Variants in SYCE1 observed in about 807,000 individuals in gnomAD.
SYCE1 encodes the protein synaptonemal complex central element protein 1.
SYCE1 carries 37 observed loss-of-function variants against 55.1 expected under a neutral mutation model. The ratio of observed to expected loss-of-function variants is 0.67; its 90% CI spans 0.52 to 0.88. The LOEUF is 0.88. Ranked by LOEUF, SYCE1 falls within the 40% of genes least tolerant of loss-of-function variation. The pLI, the probability that SYCE1 is intolerant of heterozygous loss-of-function variation, is 0.00. For synonymous variants in SYCE1, 163 were observed against 159.4 expected (o/e 1.02, Z -0.17); for missense variants, 399 against 416.4 (o/e 0.96, Z 0.36).
At chr10:133,565,230 C>T (rs903628419) in intron 1 of SYCE1, among the ~76,000 whole-genome samples, 7 of 152,164 alleles carry the variant, frequency 4.6e-5, no homozygotes, top group Non-Finnish European at 8.8e-5. Flanking sequence ...ATTACCTAAA[C>T]CAAAATTGGA....
chr10:133,555,050 T>C lies in SYCE1; in HGVS notation c.998A>G (p.Asp333Gly). Residue 333 changes from aspartate (D) to glycine (G), a missense_variant, in exon 13 of 13, where the codon GAC becomes GGC. Asp to Gly is a moderately conservative substitution (Grantham distance 94). Transcript: ENST00000343131. ...AGPDVLIGQE[D>G]TLHPDLSPRG... ...TGGGCTAAGGTCGGGGTGGAGTGTG[T>C]CCTCCTGGCCTATGAGGACATCAGG... 6.4e-7 allele frequency: 1 copy of C among 1,551,496 alleles called. No homozygotes were observed. The highest frequency in any genetic ancestry group is 8.7e-7 in the Non-Finnish European group (1 of 1,146,932).
In SYCE1 at chr10:133,556,866, C is replaced by T. The variant is rs8181332; in HGVS notation, c.465-44G>A. 181,112 of 1,601,410 alleles carry T rather than the reference C, an allele frequency of 0.11. 11,629 individuals carry two copies. The highest frequency in any genetic ancestry group is 0.27 in the East Asian group (11,833 of 44,612). The stretch of plus-strand genomic sequence containing the variant: ...CATGAGGGGATATGGGCTGAAATCA[C>T]CACCTTCACAGCCTGTCCAAGTCTG... On this transcript the variant is annotated intron_variant, in intron 7 of 12. Coordinates refer to ENST00000343131, the MANE Select transcript of SYCE1 (RefSeq NM_001143764.3).
chr10:133,566,237 G>A (rs942577861), upstream of SYCE1, among the ~76,000 whole-genome samples: 5 of 152,226 alleles, frequency 3.3e-5, no homozygotes, highest in African/African-American at 7.2e-5. Flanking sequence ...GCCCTTCACC[G>A]GCCAGGGGAG....
At chr10:133,560,844 A>G (rs1347339553) in intron 1 of SYCE1, 1 of 152,202 alleles carries the variant, frequency 6.6e-6, no homozygotes, top group Non-Finnish European at 1.5e-5. Flanking sequence ...CTGATTTTGT[A>G]AAATAAATAT....
In SYCE1 at chr10:133,555,014, T is replaced by C; in HGVS notation, c.1034A>G (p.Gln345Arg). The C allele has an allele frequency of 6.5e-7, 1 of 1,549,778 alleles. No homozygotes were observed. Among genetic ancestry groups the C allele is most frequent in the East Asian group, 2.4e-5 (1 of 40,920 alleles). ...LHPDLSPRGF[Q>R]EIKELF The stretch of plus-strand genomic sequence containing the variant: ...GTATCAAAATAGCTCCTTTATTTCC[T>C]GAAAGCCCCTTGGGCTAAGGTCGGG... The change falls in exon 13 of 13, where the codon CAG becomes CGG. Residue 345 changes from glutamine (Q) to arginine (R), a missense_variant. Physicochemically the swap from Gln to Arg is conservative, Grantham distance 43. Coordinates refer to ENST00000343131, the MANE Select transcript of SYCE1 (RefSeq NM_001143764.3).
At chr10:133,566,343 C>G (rs925955152), upstream of SYCE1, among the ~76,000 whole-genome samples, 2 of 152,218 alleles carry the variant, frequency 1.3e-5, no homozygotes, top group Non-Finnish European at 2.9e-5. Context: ...GTCCTAAATA[C>G]GAAGCCTCGA....
chr10:133,566,603 G>A (rs111771322), upstream of SYCE1, among the ~76,000 whole-genome samples: 2 of 129,870 alleles, frequency 1.5e-5, no homozygotes, highest in Non-Finnish European at 3.2e-5. Context: ...TTTTAGTGTT[G>A]GGGTTAGGGT....
intron 1 of SYCE1, among the ~76,000 whole-genome samples, chr10:133,564,608 G>T (rs1003301105): frequency 2.0e-5 from 3 of 152,176 alleles, no homozygotes; most frequent in African/African-American, 7.2e-5. Flanking sequence ...CCTTCATTTT[G>T]TAAGAACATG....
In SYCE1 at chr10:133,555,965, C is replaced by T. The variant is rs371795230; in HGVS notation, c.595+16G>A. The T allele has an allele frequency of 6.2e-7, 1 of 1,614,018 alleles. No homozygotes were observed. The highest frequency in any genetic ancestry group is 8.5e-7 in the Non-Finnish European group (1 of 1,180,012). ...CGTGAGGTCAGATATGGGCCATCCA[C>T]CTTCCCTGGTCTCACCTTCCTTGAG... On this transcript the variant is annotated intron_variant, in intron 9 of 12. Coordinates refer to ENST00000343131, the MANE Select transcript of SYCE1 (RefSeq NM_001143764.3).
chr10:133,565,335 G>A (rs1033516640), intron 1 of SYCE1, 122 bp downstream of exon 1: 33 of 892,896 alleles, frequency 3.7e-5, no homozygotes, highest in Non-Finnish European at 5.1e-5. Flanking sequence ...GAAGAAACCC[G>A]CTAAGTCTCA....
chr10:133,554,797 C>T (rs1057205467), downstream of SYCE1: 45 of 1,467,810 alleles, frequency 3.1e-5, no homozygotes, highest in African/African-American at 2.7e-4. Context: ...CCTCTGCCTG[C>T]GGACCCAGAA....
intron 2 of SYCE1, 73 bp from the exon 3 acceptor site, chr10:133,559,433 T>G: frequency 7.0e-7 from 1 of 1,438,334 alleles, no homozygotes; most frequent in Non-Finnish European, 9.8e-7. Flanking sequence ...GTGTCTCTGC[T>G]GCTTTCACGC....
upstream of SYCE1, chr10:133,568,140 C>A (rs1026088054): frequency 1.2e-6 from 1 of 834,650 alleles, no homozygotes; most frequent in Non-Finnish European, 2.0e-6. Flanking sequence ...CCCAGCCCGA[C>A]ACAGAGGCAC....
At chr10:133,556,108 G>C in intron 8 of SYCE1, 61 bp from the exon 9 acceptor site, 1 of 1,584,630 alleles carries the variant, frequency 6.3e-7, no homozygotes, top group Non-Finnish European at 8.6e-7. Flanking sequence ...CTCAAAGAAG[G>C]CTATCTGGAT....
intron 8 of SYCE1, chr10:133,556,476 G>A (rs1295262810): frequency 9.2e-6 from 5 of 544,006 alleles, no homozygotes; most frequent in Non-Finnish European, 9.9e-6. Context: ...GACAAACACG[G>A]GCTGCTTATC....
chr10:133,562,905 A>G (rs1006888403), intron 1 of SYCE1, among the ~76,000 whole-genome samples: 10 of 152,162 alleles, frequency 6.6e-5, no homozygotes, highest in African/African-American at 2.4e-4. Context: ...CCAGGCCCCA[A>G]CTCCAACATT....
At position 133,557,120 on chromosome 10, in the gene SYCE1, A is replaced by C; in HGVS notation, c.411T>G (p.Ile137Met). 7 of 1,614,134 alleles carry C rather than the reference A, an allele frequency of 4.3e-6. No homozygotes were observed. Among genetic ancestry groups the C allele is most frequent in the Non-Finnish European group, 5.1e-6 (6 of 1,180,028 alleles). ...HTMLQECKER[I>M]SALNLQIEEE... Reference sequence around the variant, plus strand: ...CTTCAATCTGCAAGTTCAGGGCAGAAATTCTCTCCTTGCACTCCTGCAACA... The same window carrying C: ...CTTCAATCTGCAAGTTCAGGGCAGACATTCTCTCCTTGCACTCCTGCAACA... The change falls in exon 7 of 13, where the codon ATT becomes ATG. Residue 137 changes from isoleucine (I) to methionine (M), a missense_variant. Transcript: ENST00000343131.
At chr10:133,559,037 A>G (rs1851758901) in intron 3 of SYCE1, 86 bp from the exon 4 acceptor site, 1 of 1,381,866 alleles carries the variant, frequency 7.2e-7, no homozygotes, top group Non-Finnish European at 9.9e-7. Context: ...CTTCAGGTAA[A>G]TCTATAGTGG....
rs1437682575 is a variant in SYCE1, at chr10:133,559,349, C to A, written c.148G>T (p.Glu50Ter). The change falls in exon 3 of 13, where the codon GAG becomes TAG. Residue 50 changes from glutamate (E) to a stop codon, truncating the protein, a stop_gained. Coordinates refer to ENST00000343131, the MANE Select transcript of SYCE1 (RefSeq NM_001143764.3). LOFTEE classifies it high-confidence loss of function. Reference sequence around the variant, plus strand: ...TTAATCAGGACCTCAACTCGGGGCTCTAGGCTTCCCACTGCACGGAGGAAA... The same window carrying A: ...TTAATCAGGACCTCAACTCGGGGCTATAGGCTTCCCACTGCACGGAGGAAA... ...VQKLQKVGSLEPRVEVLINRI... is the reference protein window; with the variant it reads ...VQKLQKVGSL The A allele has an allele frequency of 1.2e-6, 2 of 1,614,120 alleles. No homozygotes were observed. Among genetic ancestry groups the A allele is most frequent in the Non-Finnish European group, 1.7e-6 (2 of 1,180,004 alleles).
Sources: gnomAD v4.1 joint callset for allele counts (sites outside exome capture counted in the v4.1 genomes callset) on GRCh38, gnomAD v4.1.1 for gene constraint, MANE v1.5 for transcripts, NCBI Gene and HGNC (gene_info 2026-07-23, HGNC 2026-07-21) for gene names.